Variants in ATP10D observed in about 807,000 individuals in gnomAD.
ATP10D encodes phospholipid-transporting ATPase VD.
Under a neutral mutation model 144.8 loss-of-function variants are expected in ATP10D, and 89 were observed. The ratio of observed to expected loss-of-function variants is 0.61; its 90% CI spans 0.52 to 0.73. The LOEUF is 0.73. Ranked by LOEUF, ATP10D falls within the 30% of genes least tolerant of loss-of-function variation. The pLI is 0.00. For missense variants in ATP10D, 1,603 were observed against 1,714.8 expected (o/e 0.93, Z 1.15); for synonymous variants, 571 against 615.1 (o/e 0.93, Z 1.06).
chr4:47,489,147 A>T (rs894566347), intron 1 of ATP10D, among the ~76,000 whole-genome samples: 26 of 152,302 alleles, frequency 1.7e-4, no homozygotes, highest in African/African-American at 5.8e-4. Flanking sequence ...AAAGACAAAA[A>T]ATTTTAATTG....
At chr4:47,574,852 G>A (rs1410085601) in intron 18 of ATP10D, among the ~76,000 whole-genome samples, 6 of 152,108 alleles carry the variant, frequency 3.9e-5, no homozygotes, top group Non-Finnish European at 8.8e-5. Flanking sequence ...CCAGGCTGGA[G>A]TGCAGTGGCA....
In ATP10D at chr4:47,592,023, G is replaced by T. The variant is rs1721073806; in HGVS notation, c.*642G>T. 1 of 152,178 alleles carries T rather than the reference G, an allele frequency of 6.6e-6. No homozygotes were observed. The highest frequency in any genetic ancestry group is 1.5e-5 in the Non-Finnish European group (1 of 68,014). 9.4% of individuals were successfully genotyped at this position (152,178 alleles called of 1,614,324 possible). Reference sequence around the variant, plus strand: ...CTCTCACTCATTTCAATGTTTTCCTGAGGTGGAGCCTTCATTGGAAAGGGG... The same window carrying T: ...CTCTCACTCATTTCAATGTTTTCCTTAGGTGGAGCCTTCATTGGAAAGGGG... On this transcript the variant is annotated 3_prime_UTR_variant, in exon 23 of 23. Transcript: ENST00000273859.
chr4:47,523,072 C>A lies in ATP10D; in HGVS notation c.546C>A (p.Arg182=). The part of the protein sequence containing the change: ...WKDVTVGDFI[R]LSCNEVIPAD... The stretch of plus-strand genomic sequence containing the variant: ...ACGTTACTGTTGGGGACTTTATTCG[C>A]CTCTCCTGCAACGAGGTCATCCCTG... The change falls in exon 4 of 23, where the codon CGC becomes CGA. Residue 182 remains arginine (R), a synonymous_variant. Transcript: ENST00000273859. The A allele has an allele frequency of 6.2e-7, 1 of 1,613,666 alleles. No homozygotes were observed. Among genetic ancestry groups the A allele is most frequent in the Non-Finnish European group, 8.5e-7 (1 of 1,179,930 alleles).
At position 47,522,697 on chromosome 4, in the gene ATP10D, G is replaced by A. The variant is rs929797241; in HGVS notation, c.486-315G>A. 2.6e-5 allele frequency among the ~76,000 whole-genome samples: 4 copies of A among 152,118 alleles called. No homozygotes were observed. The East Asian group carries it at 7.7e-4, about 29-fold the overall frequency. On this transcript the variant is annotated intron_variant, in intron 3 of 22. Transcript: ENST00000273859. ...CGATTCTCCCGTCTCAGCCTCCCAA[G>A]TAGCTGGGATTGCAAGTGCGTGCCA...
intron 1 of ATP10D, among the ~76,000 whole-genome samples, chr4:47,507,092 A>G (rs1716055925): frequency 6.6e-6 from 1 of 152,234 alleles, no homozygotes; most frequent in Non-Finnish European, 1.5e-5. Flanking sequence ...TATGAGGTGC[A>G]GTTTAAGAAA....
intron 10 of ATP10D, among the ~76,000 whole-genome samples, chr4:47,551,632 A>G (rs775419969): frequency 8.5e-5 from 13 of 152,246 alleles, no homozygotes; most frequent in Non-Finnish European, 1.8e-4. Context: ...AAAGATCAAT[A>G]AGATATGGTC....
chr4:47,512,714 G>A lies in ATP10D; in HGVS notation c.174G>A (p.Gln58=), dbSNP rs1278457881. 6.2e-7 allele frequency: 1 copy of A among 1,614,210 alleles called. No homozygotes were observed. The highest frequency in any genetic ancestry group is 8.5e-7 in the Non-Finnish European group (1 of 1,180,024). ...ACCGGATTGTTGTTCCCCACATCCA[G>A]CCCTTCAAGGATGAGTATGAGAAGT... is the stretch of plus-strand genomic sequence containing the variant. ...GRHRIVVPHI[Q]PFKDEYEKFS... is the part of the protein sequence containing the mutation. The change falls in exon 2 of 23, where the codon CAG becomes CAA. Residue 58 remains glutamine (Q), a synonymous_variant. Transcript: ENST00000273859.
intron 1 of ATP10D, among the ~76,000 whole-genome samples, chr4:47,486,786 T>C (rs942897243): frequency 2.0e-5 from 3 of 152,086 alleles, no homozygotes; most frequent in Admixed American, 6.5e-5. Context: ...TTTTAGGGAG[T>C]TTAAAAATAA....
chr4:47,581,945 G>A lies in ATP10D; in HGVS notation c.3649-15G>A. On this transcript the variant is annotated splice_polypyrimidine_tract_variant and intron_variant, in intron 20 of 22. Coordinates refer to ENST00000273859, the MANE Select transcript of ATP10D (RefSeq NM_020453.4). ...GCACAACTCTCCAGGATCATCTAAT[G>A]TCCTCTCTTTGTAGACCTACCAGGG... 3.7e-6 allele frequency: 6 copies of A among 1,601,488 alleles called. No homozygotes were observed. The Admixed American group carries it at 5.0e-5, about 13-fold the overall frequency.
chr4:47,532,662 A>T (rs1717626441), intron 5 of ATP10D, among the ~76,000 whole-genome samples: 1 of 152,184 alleles, frequency 6.6e-6, no homozygotes, highest in African/African-American at 2.4e-5. Context: ...ATTAAGCACA[A>T]ATTGAGATGC....
rs1347196384 is a variant in ATP10D at position 47,592,062 on chromosome 4, AG to A, written c.*684del. Reference sequence around the variant, plus strand: ...ATTGGAAAGGGGAAAGAGGGATTCTAGGGTTTCATCAGGGACCAGGAATGCA... The same window carrying A: ...ATTGGAAAGGGGAAAGAGGGATTCTAGGTTTCATCAGGGACCAGGAATGCA... On this transcript the variant is annotated 3_prime_UTR_variant, in exon 23 of 23. Transcript: ENST00000273859. The A allele has an allele frequency of 6.6e-6, 1 of 152,318 alleles. No individual in the cohort carries two copies. The highest frequency in any genetic ancestry group is 2.4e-5 in the African/African-American group (1 of 41,402). 9.4% of individuals were successfully genotyped at this position (152,318 alleles called of 1,614,324 possible).
chr4:47,541,210 T>C (rs1718117118), intron 9 of ATP10D, among the ~76,000 whole-genome samples: 2 of 152,214 alleles, frequency 1.3e-5, no homozygotes, highest in Non-Finnish European at 2.9e-5. Context: ...TCTATAAATA[T>C]AGCTGTTGTT....
At chr4:47,494,387 A>G (rs1490217031) in intron 1 of ATP10D, among the ~76,000 whole-genome samples, 1 of 152,116 alleles carries the variant, frequency 6.6e-6, no homozygotes. Context: ...TACTGTGACC[A>G]TTAAAGTTGT....
Position 47,581,983 on chromosome 4 carries a change from C to T in ATP10D, c.3672C>T (p.Asp1224=). The change falls in exon 21 of 23, where the codon GAC becomes GAT. Residue 1224 remains aspartate, a synonymous_variant. Transcript: ENST00000273859. ...AGACCTACCAGGGCTCAGATACTGA[C>T]ATCTTTGCATTTGGAAACCCCCTGA... ...PYFTYQGSDT[D]IFAFGNPLNT... 1 of 1,613,984 alleles carries T rather than the reference C, an allele frequency of 6.2e-7. No homozygotes were observed. Among genetic ancestry groups the T allele is most frequent in the South Asian group, 1.1e-5 (1 of 91,074 alleles).
chr4:47,512,673 A>G lies in ATP10D; in HGVS notation c.133A>G (p.Lys45Glu), dbSNP rs1716408482. 6.2e-7 allele frequency: 1 copy of G among 1,614,048 alleles called. No homozygotes were observed. Among genetic ancestry groups the G allele is most frequent in the Non-Finnish European group, 8.5e-7 (1 of 1,180,034 alleles). Reference sequence around the variant, plus strand: ...TGGGCGCAAGTCCTCTCAGACCCCTAAACTGTCAGGAAGGCACCGGATTGT... The same window carrying G: ...TGGGCGCAAGTCCTCTCAGACCCCTGAACTGTCAGGAAGGCACCGGATTGT... ...ACGRKSSQTP[K>E]LSGRHRIVVP... is the part of the protein sequence containing the mutation. Residue 45 changes from lysine to glutamate, a missense_variant, in exon 2 of 23, where the codon AAA becomes GAA. Transcript: ENST00000273859.
chr4:47,572,640 C>T (rs1436358993), intron 17 of ATP10D, among the ~76,000 whole-genome samples: 3 of 84,020 alleles, frequency 3.6e-5, no homozygotes, highest in African/African-American at 1.0e-4. Flanking sequence ...CCTATTTGTG[C>T]GCACGTGTGT....
intron 3 of ATP10D, among the ~76,000 whole-genome samples, chr4:47,518,571 A>T (rs904343171): frequency 6.6e-6 from 1 of 152,196 alleles, no homozygotes; most frequent in African/African-American, 2.4e-5. Context: ...AGGAATGTAC[A>T]TTATTTTCTG....
intron 1 of ATP10D, among the ~76,000 whole-genome samples, chr4:47,505,790 G>A (rs1049682574): frequency 5.9e-5 from 9 of 151,944 alleles, no homozygotes; most frequent in African/African-American, 2.2e-4. Flanking sequence ...TAGGGGGTGA[G>A]ATTCAGGAGA....
intron 1 of ATP10D, among the ~76,000 whole-genome samples, chr4:47,508,733 TGAA>T (rs1716155835): frequency 6.6e-6 from 1 of 152,246 alleles, no homozygotes; most frequent in African/African-American, 2.4e-5. Flanking sequence ...ATATTTTATG[TGAA>T]TTTATCTCTA....
Sources: allele counts gnomAD v4.1 joint callset (sites outside exome capture counted in the v4.1 genomes callset), GRCh38; gene constraint gnomAD v4.1.1; transcripts MANE v1.5; gene names NCBI Gene and HGNC (gene_info 2026-07-23, HGNC 2026-07-21).